PIK3C2A: variants seen among roughly 807,000 people sequenced by gnomAD.
PIK3C2A encodes the protein phosphatidylinositol 4-phosphate 3-kinase C2 domain-containing subunit alpha.
A neutral mutation model predicts 204.5 loss-of-function variants in PIK3C2A; 97 were observed. The observed-to-expected ratio is 0.47, with a 90% CI of 0.40 to 0.56. PIK3C2A has a LOEUF of 0.56. Ranked by LOEUF, PIK3C2A falls within the 20% of genes least tolerant of loss-of-function variation. The probability of loss-of-function intolerance (pLI) is 0.00; values close to 1 mark genes in which losing one functional copy is unlikely to be tolerated. For missense variants in PIK3C2A, 1,735 were observed against 1,969.2 expected, an observed-to-expected ratio of 0.88 and a Z score of 2.25; for synonymous variants, 653 against 664.4, an observed-to-expected ratio of 0.98 and a Z score of 0.26.
At chr11:17,193,723 G>A (rs1243311146) in intron 1 of PIK3C2A, among the ~76,000 whole-genome samples, 3 of 151,320 alleles carry the variant, frequency 2.0e-5, no homozygotes, top group African/African-American at 7.3e-5. Context: ...GCGCGCGTCT[G>A]TAGTCCCAGC....
At chr11:17,100,654 C>A (rs1267436411) in intron 25 of PIK3C2A, among the ~76,000 whole-genome samples, 1 of 152,180 alleles carries the variant, frequency 6.6e-6, no homozygotes, top group Non-Finnish European at 1.5e-5. Context: ...CACTAAGTAA[C>A]TTCTCATCTC....
chr11:17,168,565 A>G, intron 2 of PIK3C2A, 112 bp downstream of exon 2: 1 of 763,906 alleles, frequency 1.3e-6, no homozygotes, highest in Non-Finnish European at 2.1e-6. Context: ...TGGGCGACAG[A>G]GCGAGACTCC....
rs1420637134 is a variant in PIK3C2A at position 17,089,857 on chromosome 11, T to C, written c.4942A>G (p.Ser1648Gly). 1.2e-6 allele frequency: 2 copies of C among 1,613,482 alleles called. No homozygotes were observed. The highest frequency in any genetic ancestry group is 1.7e-5 in the Admixed American group (1 of 59,996). Residue 1648 changes from serine to glycine, a missense_variant, in exon 33 of 33, where the codon AGT becomes GGT. Around this residue, in one of 6 missense-constraint regions of PIK3C2A, gnomAD observed 503 missense variants for 669.0 expected, o/e 0.75. Transcript: ENST00000691414. Reference sequence around the variant, plus strand: ...AAATTCTCCCGCAGAGATTCTGCACTGAGTACACTTAGTTGAAGTTCTCGC... The same window carrying C: ...AAATTCTCCCGCAGAGATTCTGCACCGAGTACACTTAGTTGAAGTTCTCGC... ...RQRELQLSVL[S>G]AESLRENFFL...
At chr11:17,111,113 G>T (rs1848988189) in intron 21 of PIK3C2A, among the ~76,000 whole-genome samples, 1 of 152,022 alleles carries the variant, frequency 6.6e-6, no homozygotes, top group Admixed American at 6.6e-5. Context: ...TCACCACGTT[G>T]GCCAGGCTGG....
chr11:17,186,615 T>C (rs1851760089), intron 1 of PIK3C2A, among the ~76,000 whole-genome samples: 1 of 152,226 alleles, frequency 6.6e-6, no homozygotes, highest in Admixed American at 6.5e-5. Context: ...CCATCTTAAA[T>C]GTGCCAAATA....
At chr11:17,125,506 T>C (rs990688733) in intron 13 of PIK3C2A, among the ~76,000 whole-genome samples, 7 of 152,140 alleles carry the variant, frequency 4.6e-5, no homozygotes, top group African/African-American at 1.2e-4. Context: ...GCATCTATTA[T>C]CTAAAGATTT....
rs761460409 is a variant in PIK3C2A, at chr11:17,169,476, T to G, written c.266A>C (p.Asp89Ala). 1 of 1,614,052 alleles carries G rather than the reference T, an allele frequency of 6.2e-7. No homozygotes were observed. The highest frequency in any genetic ancestry group is 8.5e-7 in the Non-Finnish European group (1 of 1,179,972). ...TTGGGTGAGCTTTTCTACATCAATA[T>G]CTAATGCTCTTTTTTGGGAATCTGA... Reference protein sequence around the residue: ...PESDSQKRALDIDVEKLTQAE... With the variant: ...PESDSQKRALAIDVEKLTQAE... The change falls in exon 2 of 33, where the codon GAT (aspartate) becomes GCT (alanine). Residue 89 changes from aspartate to alanine, a missense_variant. Asp to Ala is a moderately radical substitution (Grantham distance 126). Transcript: ENST00000691414.
chr11:17,122,340 A>C lies in PIK3C2A; in HGVS notation c.2512-7T>G. Reference sequence around the variant, plus strand: ...CAGGAGAAGGAAAATCAACCTTTAAAATTTAACAGAAATTGATCAAATTAC... The same window carrying C: ...CAGGAGAAGGAAAATCAACCTTTAACATTTAACAGAAATTGATCAAATTAC... On this transcript the variant is annotated splice_polypyrimidine_tract_variant and splice_region_variant and intron_variant, in intron 14 of 32. Coordinates refer to ENST00000691414, the MANE Select transcript of PIK3C2A (RefSeq NM_002645.4). The C allele has an allele frequency of 1.3e-6, 2 of 1,501,166 alleles. No individual in the cohort carries two copies. The highest frequency in any genetic ancestry group is 9.2e-7 in the Non-Finnish European group (1 of 1,089,358). 93.0% of individuals were successfully genotyped at this position (1,501,166 alleles called of 1,614,324 possible). A position where few individuals can be genotyped will look rare whatever the true frequency, so the allele number is the denominator to read the frequency against.
rs533558948 is a variant in PIK3C2A at position 17,121,104 on chromosome 11, T to TTTTTC, written c.2657+1079_2657+1083dup. Among the ~76,000 whole-genome samples, 610 of 152,152 alleles carry TTTTTC rather than the reference T, an allele frequency of 4.0e-3. 4 individuals are homozygous for TTTTTC. Among genetic ancestry groups the TTTTTC allele is most frequent in the African/African-American group, 0.011 (451 of 41,486 alleles). On this transcript the variant is annotated intron_variant, in intron 15 of 32. Transcript: ENST00000691414. Reference sequence around the variant, plus strand: ...CCTATTGATGGACATTTCCAATCAATTTTTCTTTTCTTTTCTTTTCTTTTC... The same window carrying TTTTTC: ...CCTATTGATGGACATTTCCAATCAATTTTTCTTTTCTTTTCTTTTCTTTTCTTTTC...
chr11:17,155,058 T>C (rs1373518297), intron 3 of PIK3C2A, among the ~76,000 whole-genome samples: 1 of 152,214 alleles, frequency 6.6e-6, no homozygotes, highest in Non-Finnish European at 1.5e-5. Flanking sequence ...CTATAATGAA[T>C]GTTAGACACA....
At chr11:17,128,521 G>A (rs1849595095) in intron 13 of PIK3C2A, among the ~76,000 whole-genome samples, 1 of 152,156 alleles carries the variant, frequency 6.6e-6, no homozygotes, top group Non-Finnish European at 1.5e-5. Flanking sequence ...TTACAAGCAT[G>A]AGCCACAGAG....
At chr11:17,189,678 T>G (rs1032152761) in intron 1 of PIK3C2A, among the ~76,000 whole-genome samples, 5 of 151,826 alleles carry the variant, frequency 3.3e-5, no homozygotes, top group Admixed American at 1.3e-4. Flanking sequence ...CTGCACTCAT[T>G]AGCAGTCACA....
chr11:17,133,228 T>C (rs73433254), intron 11 of PIK3C2A, among the ~76,000 whole-genome samples: 4,679 of 152,204 alleles, frequency 0.031, 238 homozygotes, highest in African/African-American at 0.11. Context: ...ACCTCATTAG[T>C]GTCCCTATGT....
At chr11:17,136,729 T>C (rs1449077410) in intron 8 of PIK3C2A, 104 bp from the exon 9 acceptor site, 3 of 576,136 alleles carry the variant, frequency 5.2e-6, no homozygotes, top group African/African-American at 3.8e-5. Flanking sequence ...CTAACAGATA[T>C]CCTCTACTCT....
intron 2 of PIK3C2A, among the ~76,000 whole-genome samples, chr11:17,166,274 A>G (rs1850943942): frequency 6.6e-6 from 1 of 152,172 alleles, no homozygotes; most frequent in African/African-American, 2.4e-5. Flanking sequence ...CTTTGGCAAC[A>G]TATTGGTAAA....
At chr11:17,099,473 G>A (rs1368355013) in intron 26 of PIK3C2A, among the ~76,000 whole-genome samples, 1 of 152,180 alleles carries the variant, frequency 6.6e-6, no homozygotes, top group Non-Finnish European at 1.5e-5. Context: ...CTTGAACCCA[G>A]GAAGCGAGGT....
intron 1 of PIK3C2A, among the ~76,000 whole-genome samples, chr11:17,187,089 T>C (rs1851777290): frequency 6.6e-6 from 1 of 152,172 alleles, no homozygotes; most frequent in African/African-American, 2.4e-5. Context: ...CAGAGCAATT[T>C]GGCTAGAGAT....
Position 17,118,665 on chromosome 11 carries a change from C to T in PIK3C2A, c.3015G>A (p.Gln1005=), listed in dbSNP as rs1428221159. 6.7e-7 allele frequency: 1 copy of T among 1,493,790 alleles called. No homozygotes were observed. The allele number at this position is 1,493,790 out of a possible 1,614,324, so 92.5% of individuals were successfully genotyped here. ...CTTACCAATATAAATTGTGTGCTAT[C>T]TGGATATTTCCCAATGCCCTGGACA... ...FLLSRALGNI[Q]IAHNLYWLLK... Residue 1005 remains glutamine, a synonymous_variant, in exon 18 of 33, where the codon CAG becomes CAA. Coordinates refer to ENST00000691414, the MANE Select transcript of PIK3C2A (RefSeq NM_002645.4).
chr11:17,132,354 G>C (rs1053443005), intron 11 of PIK3C2A, among the ~76,000 whole-genome samples: 1 of 118,348 alleles, frequency 8.4e-6, no homozygotes, highest in Non-Finnish European at 1.6e-5. Flanking sequence ...ACGGAGTCTC[G>C]CTCTGTCGCC....
Sources: allele counts gnomAD v4.1 joint callset (sites outside exome capture counted in the v4.1 genomes callset), GRCh38; gene constraint gnomAD v4.1.1; regional missense constraint gnomAD v4.1.1; transcripts MANE v1.5; gene names NCBI Gene and HGNC (gene_info 2026-07-23, HGNC 2026-07-21).